Variants in RYR2 observed in about 807,000 individuals in gnomAD.
RYR2 encodes ryanodine receptor 2.
Under a neutral mutation model 601.1 loss-of-function variants are expected in RYR2, and 227 were observed. The observed-to-expected ratio is 0.38, with a 90% CI of 0.34 to 0.42. The LOEUF is 0.42. RYR2 is among the 10% of genes least tolerant of loss of function. The pLI is 1.00. For synonymous variants in RYR2, 2,223 were observed against 2,175.1 expected (o/e 1.02, Z -0.61); for missense variants, 4,646 against 6,156.5 (o/e 0.75, Z 8.21).
Position 237,591,796 on chromosome 1 carries a change from C to A in RYR2, c.4218C>A (p.Thr1406=), listed in dbSNP as rs368817788. 1 of 1,613,584 alleles carries A rather than the reference C, an allele frequency of 6.2e-7. No individual in the cohort carries two copies. Among genetic ancestry groups the A allele is most frequent in the African/African-American group, 1.3e-5 (1 of 74,898 alleles). ...DYSTSHSARL[T]EDVLADDRDD... is the part of the protein sequence containing the mutation. Reference sequence around the variant, plus strand: ...GCACAAGCCATTCTGCAAGACTCACCGAAGATGTCCTTGCTGATGATCGGG... The same window carrying A: ...GCACAAGCCATTCTGCAAGACTCACAGAAGATGTCCTTGCTGATGATCGGG... The change falls in exon 32 of 105, where the codon ACC becomes ACA. Residue 1406 remains threonine, a synonymous_variant. Coordinates refer to ENST00000366574, the MANE Select transcript of RYR2 (RefSeq NM_001035.3).
intron 77 of RYR2, among the ~76,000 whole-genome samples, chr1:237,731,411 A>T (rs1348926526): frequency 1.3e-5 from 2 of 152,202 alleles, no homozygotes; most frequent in Non-Finnish European, 2.9e-5. Flanking sequence ...GAAAAAAAGT[A>T]TAAGTGGTTC....
chr1:237,776,312 T>A (rs1335191008), intron 87 of RYR2, among the ~76,000 whole-genome samples: 1 of 152,192 alleles, frequency 6.6e-6, no homozygotes, highest in Non-Finnish European at 1.5e-5. Context: ...CTACTATATC[T>A]GGTACATTAA....
At chr1:237,327,595 T>C (rs1463624481) in intron 2 of RYR2, among the ~76,000 whole-genome samples, 2 of 152,216 alleles carry the variant, frequency 1.3e-5, no homozygotes. Flanking sequence ...TGCAAAATTA[T>C]AGATTTGTGT....
At chr1:237,683,786 A>G (rs187232671) in intron 62 of RYR2, among the ~76,000 whole-genome samples, 2 of 152,282 alleles carry the variant, frequency 1.3e-5, no homozygotes, top group African/African-American at 4.8e-5. Flanking sequence ...CTGGCAGCAA[A>G]GGTATGATTG....
chr1:237,778,698 A>G lies in RYR2; in HGVS notation c.11808A>G (p.Ala3936=). Residue 3936 remains alanine, a synonymous_variant, in exon 88 of 105, where the codon GCA becomes GCG. Coordinates refer to ENST00000366574, the MANE Select transcript of RYR2 (RefSeq NM_001035.3). ...GCACTGGGAATCAACAGAGTTTGGC[A>G]CACAGCAGGCTGTGGGATGCTGTGG... is the stretch of plus-strand genomic sequence containing the variant. ...GPCTGNQQSL[A]HSRLWDAVVG... is the part of the protein sequence containing the mutation. 1.2e-6 allele frequency: 2 copies of G among 1,609,650 alleles called. No homozygotes were observed. Among genetic ancestry groups the G allele is most frequent in the Middle Eastern group, 1.7e-4 (1 of 6,046 alleles).
chr1:237,803,018 A>G (rs573181689), intron 98 of RYR2, among the ~76,000 whole-genome samples: 1 of 152,246 alleles, frequency 6.6e-6, no homozygotes, highest in Admixed American at 6.5e-5. Context: ...TTCATTCTTC[A>G]CTATTACTGT....
chr1:237,201,411 G>A (rs147610098), intron 1 of RYR2, among the ~76,000 whole-genome samples: 28 of 152,294 alleles, frequency 1.8e-4, no homozygotes, highest in African/African-American at 5.8e-4. Context: ...AGATGCACAC[G>A]TGTGAGTCCA....
rs1657881640 is a variant in RYR2, at chr1:237,788,124, C to G, written c.13465C>G (p.Gln4489Glu). 2 of 1,609,970 alleles carry G rather than the reference C, an allele frequency of 1.2e-6. No individual in the cohort carries two copies. Among genetic ancestry groups the G allele is most frequent in the African/African-American group, 2.7e-5 (2 of 74,760 alleles). The change falls in exon 92 of 105, where the codon CAG becomes GAG. Residue 4489 changes from glutamine (Q) to glutamate (E), a missense_variant. Gln to Glu is a conservative substitution (Grantham distance 29). Transcript: ENST00000366574. ...AFWKKIIAYQ[Q>E]KLLNYFARNF... ...CTGGAAGAAAATCATAGCATATCAA[C>G]AGAAACTTCTAGTAAGATGTTTTAG...
intron 17 of RYR2, among the ~76,000 whole-genome samples, chr1:237,489,965 A>C (rs1287030704): frequency 6.6e-6 from 1 of 152,232 alleles, no homozygotes; most frequent in East Asian, 1.9e-4. Flanking sequence ...GATAAAGAAA[A>C]TGTGGTACAT....
intron 1 of RYR2, among the ~76,000 whole-genome samples, chr1:237,047,960 T>C (rs368569785): frequency 2.6e-5 from 4 of 152,188 alleles, no homozygotes; most frequent in African/African-American, 9.7e-5. Context: ...ATGAAAGGAA[T>C]GTTCCCAAAG....
intron 98 of RYR2, chr1:237,802,442 CACTG>C (rs1157419531): frequency 6.6e-6 from 1 of 152,204 alleles, no homozygotes; most frequent in Non-Finnish European, 1.5e-5. Context: ...TTAATTTTAG[CACTG>C]ACTTTTATAG....
intron 1 of RYR2, among the ~76,000 whole-genome samples, chr1:237,071,471 G>C (rs1256179326): frequency 1.3e-5 from 2 of 152,138 alleles, no homozygotes; most frequent in Non-Finnish European, 2.9e-5. Flanking sequence ...TGATCCACCT[G>C]CCTCAGCCTC....
At chr1:237,478,838 C>T (rs936520423) in intron 17 of RYR2, among the ~76,000 whole-genome samples, 1 of 152,038 alleles carries the variant, frequency 6.6e-6, no homozygotes, top group African/African-American at 2.4e-5. Flanking sequence ...ATGCTCTTTC[C>T]CTTCATAATA....
chr1:237,266,000 A>G (rs1416066427), intron 1 of RYR2, among the ~76,000 whole-genome samples: 1 of 152,180 alleles, frequency 6.6e-6, no homozygotes, highest in Non-Finnish European at 1.5e-5. Context: ...AGATCAATAA[A>G]TTTGTTTCTT....
At chr1:237,649,774 T>C in intron 49 of RYR2, 103 bp from the exon 50 acceptor site, 2 of 913,446 alleles carry the variant, frequency 2.2e-6, no homozygotes, top group East Asian at 4.8e-5. Context: ...GTCATAGTGC[T>C]ATCATCTTCC....
chr1:237,386,150 C>A (rs539026212), intron 8 of RYR2, among the ~76,000 whole-genome samples: 1 of 152,204 alleles, frequency 6.6e-6, no homozygotes, highest in African/African-American at 2.4e-5. Flanking sequence ...AAATTATTGC[C>A]AAGTCTTATG....
intron 5 of RYR2, among the ~76,000 whole-genome samples, chr1:237,365,566 A>AAT (rs1474889996): frequency 6.6e-6 from 1 of 152,218 alleles, no homozygotes; most frequent in African/African-American, 2.4e-5. Flanking sequence ...TTAATCCCTA[A>AAT]ATTAGACGTA....
chr1:237,396,263 G>A (rs1356115123), intron 10 of RYR2, among the ~76,000 whole-genome samples: 1 of 152,110 alleles, frequency 6.6e-6, no homozygotes, highest in African/African-American at 2.4e-5. Flanking sequence ...GACTATGAAT[G>A]ACTCCAGTAT....
intron 1 of RYR2, among the ~76,000 whole-genome samples, chr1:237,217,947 C>T (rs1270742629): frequency 6.6e-6 from 1 of 152,158 alleles, no homozygotes; most frequent in Admixed American, 6.5e-5. Context: ...TTAATAGCAG[C>T]ATTTAAAATC....
Sources: allele counts gnomAD v4.1 joint callset (sites outside exome capture counted in the v4.1 genomes callset), GRCh38; gene constraint gnomAD v4.1.1; transcripts MANE v1.5; gene names NCBI Gene and HGNC (gene_info 2026-07-23, HGNC 2026-07-21).